CNIH3: variants seen among roughly 807,000 people sequenced by gnomAD.
CNIH3 encodes protein cornichon homolog 3.
Under a neutral mutation model 24.1 loss-of-function variants are expected in CNIH3, and 14 were observed. The ratio of observed to expected loss-of-function variants is 0.58; its 90% confidence interval spans 0.38 to 0.91. CNIH3 has a LOEUF of 0.91. Among genes scored for constraint, CNIH3 ranks in the 40% least tolerant of loss-of-function variants. CNIH3 has a pLI of 0.00. For missense variants in CNIH3, 178 were observed against 196.8 expected (o/e 0.90, Z 0.57); for synonymous variants, 68 against 73.8 (o/e 0.92, Z 0.40).
chr1:224,567,693 T>C (rs1680636133), intron 4 of CNIH3, among the ~76,000 whole-genome samples: 1 of 152,200 alleles, frequency 6.6e-6, no homozygotes, highest in African/African-American at 2.4e-5. Flanking sequence ...TTCTTCCAGC[T>C]TAGGGGTGTG....
chr1:224,438,254 CATT>C (rs1240176953), intron 1 of CNIH3, among the ~76,000 whole-genome samples: 1 of 150,656 alleles, frequency 6.6e-6, no homozygotes, highest in Non-Finnish European at 1.5e-5. Flanking sequence ...GACACAGTCT[CATT>C]ATGTTGCCCA....
chr1:224,502,137 A>G (rs1395756357), intron 1 of CNIH3, among the ~76,000 whole-genome samples: 2 of 152,124 alleles, frequency 1.3e-5, no homozygotes, highest in African/African-American at 4.8e-5. Context: ...TGCTGCAGAT[A>G]CGGCTCCCGG....
rs947930111 is a variant in CNIH3, at chr1:224,671,341, C to T, written c.82-9617C>T. ...TTCCTCTCCTAGACTCTTGGTCATA[C>T]GGGCATAAGTAGACCATTCATTTGA... On this transcript the variant is annotated intron_variant, in intron 1 of 5. Transcript: ENST00000272133. Among the ~76,000 whole-genome samples, 18 of 152,300 alleles carry T rather than the reference C, an allele frequency of 1.2e-4. No homozygotes were observed. In the South Asian group the frequency reaches 2.1e-3, roughly 18 times the overall value.
Position 224,574,693 on chromosome 1 carries a change from GC to G in CNIH3, n.516+8431del, listed in dbSNP as rs2125005346. The G allele has an allele frequency of 5.2e-6, 6 of 1,156,168 alleles. No individual in the cohort carries two copies. The South Asian group carries it at 7.4e-5, about 14-fold the overall frequency. The allele number at this position is 1,156,168 out of a possible 1,614,324, so 71.6% of individuals were successfully genotyped here. The stretch of plus-strand genomic sequence containing the variant: ...CTGTGGTGAGCGTACCATGAGAAGG[GC>G]CTGGTGAAAGGAGCCTGCCAGAAGA... On this transcript the variant is annotated intron_variant and non_coding_transcript_variant, in intron 4 of 5. Transcript: ENST00000471578.
intron 1 of CNIH3, among the ~76,000 whole-genome samples, chr1:224,633,744 C>A (rs544755774): frequency 6.6e-6 from 1 of 152,196 alleles, no homozygotes; most frequent in Non-Finnish European, 1.5e-5. Flanking sequence ...ATTATCCCCC[C>A]ACCAGGACTG....
chr1:224,517,486 T>A (rs1678441356), intron 1 of CNIH3, among the ~76,000 whole-genome samples: 1 of 152,106 alleles, frequency 6.6e-6, no homozygotes, highest in African/African-American at 2.4e-5. Context: ...TTATTATTAT[T>A]ATTATTTCAG....
At chr1:224,590,107 C>T (rs558982110), downstream of CNIH3, among the ~76,000 whole-genome samples, 2 of 152,276 alleles carry the variant, frequency 1.3e-5, no homozygotes, top group South Asian at 2.1e-4. Context: ...AAACTCCTGA[C>T]CTCATGATCC....
At chr1:224,560,861 T>G (rs1006710623) in intron 3 of CNIH3, among the ~76,000 whole-genome samples, 6 of 152,184 alleles carry the variant, frequency 3.9e-5, no homozygotes, top group Non-Finnish European at 8.8e-5. Flanking sequence ...GTGGGAAAAT[T>G]GTCTTCCATG....
chr1:224,674,699 G>A (rs1216417340), intron 1 of CNIH3, among the ~76,000 whole-genome samples: 2 of 152,038 alleles, frequency 1.3e-5, no homozygotes, highest in African/African-American at 4.8e-5. Context: ...GGTAGGGATA[G>A]GGTTCAGTGT....
At chr1:224,629,102 G>C (rs1037629733) in intron 1 of CNIH3, among the ~76,000 whole-genome samples, 1 of 151,858 alleles carries the variant, frequency 6.6e-6, no homozygotes, top group Non-Finnish European at 1.5e-5. Context: ...TGCCTCCCGG[G>C]TTCAAGCAAT....
intron 3 of CNIH3, among the ~76,000 whole-genome samples, chr1:224,595,934 G>A (rs567714375): frequency 9.2e-5 from 14 of 152,322 alleles, no homozygotes; most frequent in South Asian, 6.2e-4. Flanking sequence ...AGCTAGCAGC[G>A]GCTGGTTTAC....
chr1:224,718,236 G>A (rs1422782057), intron 3 of CNIH3, among the ~76,000 whole-genome samples: 3 of 151,996 alleles, frequency 2.0e-5, no homozygotes, highest in Non-Finnish European at 2.9e-5. Flanking sequence ...GCTCATCTGA[G>A]GAGGTGACCT....
At chr1:224,582,306 A>C (rs1163856233) in intron 4 of CNIH3, among the ~76,000 whole-genome samples, 1 of 152,180 alleles carries the variant, frequency 6.6e-6, no homozygotes, top group Non-Finnish European at 1.5e-5. Flanking sequence ...TGTGAACAGA[A>C]TTTTAGAGGT....
chr1:224,467,867 G>T (rs1348436334), intron 1 of CNIH3, among the ~76,000 whole-genome samples: 1 of 146,620 alleles, frequency 6.8e-6, no homozygotes, highest in Non-Finnish European at 1.5e-5. Flanking sequence ...GTTAATTTTT[G>T]TAAAAGGTAT....
At chr1:224,580,967 C>T (rs1681250838) in intron 4 of CNIH3, among the ~76,000 whole-genome samples, 1 of 152,148 alleles carries the variant, frequency 6.6e-6, no homozygotes, top group Admixed American at 6.5e-5. Context: ...CTCCTCTTTT[C>T]CCATACCATG....
chr1:224,520,416 G>A (rs1023251948), intron 1 of CNIH3, among the ~76,000 whole-genome samples: 4 of 152,172 alleles, frequency 2.6e-5, no homozygotes, highest in Non-Finnish European at 5.9e-5. Flanking sequence ...TCCCAAGCAG[G>A]CTCATCCTCA....
chr1:224,578,227 A>C (rs543628338), intron 4 of CNIH3, among the ~76,000 whole-genome samples: 2 of 152,352 alleles, frequency 1.3e-5, no homozygotes, highest in African/African-American at 4.8e-5. Context: ...CAACTGGTAA[A>C]ATAAAAAGTT....
At chr1:224,478,653 C>T (rs1472722997) in intron 1 of CNIH3, among the ~76,000 whole-genome samples, 1 of 152,104 alleles carries the variant, frequency 6.6e-6, no homozygotes, top group Non-Finnish European at 1.5e-5. Context: ...TTCCTGGTAC[C>T]TTATTTAGTT....
At chr1:224,579,012 A>C (rs1238873231) in intron 4 of CNIH3, among the ~76,000 whole-genome samples, 1 of 148,570 alleles carries the variant, frequency 6.7e-6, no homozygotes, top group African/African-American at 2.5e-5. Context: ...GAACAACTCT[A>C]TTGAAATTTT....
Sources: gnomAD v4.1 joint callset for allele counts (sites outside exome capture counted in the v4.1 genomes callset) on GRCh38, gnomAD v4.1.1 for gene constraint, MANE v1.5 for transcripts, NCBI Gene and HGNC (gene_info 2026-07-23, HGNC 2026-07-21) for gene names.